FBXL8: variants seen among roughly 807,000 people sequenced by gnomAD.
FBXL8 encodes the protein F-box and leucine rich repeat protein 8.
Under a neutral mutation model 8.2 loss-of-function variants are expected in FBXL8, and 13 were observed. The observed-to-expected ratio is 1.58, with a 90% CI of 1.03 to 2.51. The LOEUF (loss-of-function observed/expected upper bound fraction) is 2.51. FBXL8 is among the 30% of genes most tolerant of loss of function. The pLI is 0.00. For synonymous variants in FBXL8, 271 were observed against 260.5 expected (o/e 1.04, Z -0.39); for missense variants, 565 against 540.4 (o/e 1.05, Z -0.45).
At chr16:67,161,548 C>T (rs2030902305) in intron 1 of FBXL8, 187 bp from the exon 2 acceptor site, 2 of 450,522 alleles carry the variant, frequency 4.4e-6, no homozygotes, top group East Asian at 3.6e-5. Flanking sequence ...TTACCCTTTC[C>T]GGAGAGCCTG....
chr16:67,161,678 G>A, intron 1 of FBXL8, 57 bp from the exon 2 acceptor site: 3 of 1,367,974 alleles, frequency 2.2e-6, no homozygotes, highest in Non-Finnish European at 1.9e-6. Context: ...ACCTAAGCTC[G>A]GTCTTCCTGC....
Position 67,164,051 on chromosome 16 carries a change from C to A in FBXL8, c.*231C>A, listed in dbSNP as rs1385732231. 7.0e-6 allele frequency: 5 copies of A among 715,490 alleles called. No homozygotes were observed. The highest frequency in any genetic ancestry group is 3.0e-5 in the South Asian group (2 of 67,030). 44.3% of individuals were successfully genotyped at this position (715,490 alleles called of 1,614,324 possible). A position where few individuals can be genotyped will look rare whatever the true frequency, so the allele number is the denominator to read the frequency against. On this transcript the variant is annotated 3_prime_UTR_variant, in exon 3 of 3. Transcript: ENST00000258200. ...ACCCGCTCGGTCCTGGACACACTGC[C>A]CCCCTCTCTTGCCTCCACCCCTCTG...
In FBXL8 at chr16:67,163,879, G is replaced by GGGGT; in HGVS notation, c.*61_*62insGTGG. ...TAAGCGCTCTGAGAGGGAACGGGGG[G>GGGGT]GGTGTCCAGGCGCGCCCCGAGTGCT... On this transcript the variant is annotated 3_prime_UTR_variant, in exon 3 of 3. Coordinates refer to ENST00000258200, the MANE Select transcript of FBXL8 (RefSeq NM_018378.3). The GGGGT allele has an allele frequency of 6.5e-7, 1 of 1,526,916 alleles. No individual in the cohort carries two copies. Among genetic ancestry groups the GGGGT allele is most frequent in the African/African-American group, 1.4e-5 (1 of 72,078 alleles). The allele number at this position is 1,526,916 out of a possible 1,614,324, so 94.6% of individuals were successfully genotyped here.
rs1345956786 is a variant in FBXL8 at position 67,163,291 on chromosome 16, A to C, written c.596A>C (p.His199Pro). 1.7e-5 allele frequency: 27 copies of C among 1,576,662 alleles called. No individual in the cohort carries two copies. The highest frequency in any genetic ancestry group is 2.3e-5 in the East Asian group (1 of 43,326). Residue 199 changes from histidine (H) to proline (P), a missense_variant, in exon 3 of 3, where the codon CAC becomes CCC. Physicochemically the swap from His to Pro is moderately conservative, Grantham distance 77. Coordinates refer to ENST00000258200, the MANE Select transcript of FBXL8 (RefSeq NM_018378.3). ...ACPRLRALGL[H>P]LASLSHAILE... ...CCGCGCCTGCGCGCTCTCGGCCTGC[A>C]CCTAGCCAGTTTGTCGCACGCCATC...
rs1398067788 is a variant in FBXL8, at chr16:67,163,704, T to C, written c.1009T>C (p.Cys337Arg). ...CAALREVHCFCVVSHSVLDAF... is the reference protein window; with the variant it reads ...CAALREVHCFRVVSHSVLDAF... ...GGCCCTGCGCGAGGTGCATTGTTTC[T>C]GCGTGGTGAGCCACTCGGTGCTGGA... The change falls in exon 3 of 3, where the codon TGC (cysteine) becomes CGC (arginine). Residue 337 changes from cysteine (C) to arginine (R), a missense_variant. Coordinates refer to ENST00000258200, the MANE Select transcript of FBXL8 (RefSeq NM_018378.3). 2 of 1,593,630 alleles carry C rather than the reference T, an allele frequency of 1.3e-6. No individual in the cohort carries two copies. The highest frequency in any genetic ancestry group is 1.3e-5 in the African/African-American group (1 of 74,246).
In FBXL8 at chr16:67,162,100, C is replaced by T. The variant is rs913827759; in HGVS notation, c.152+163C>T. 3.2e-5 allele frequency: 30 copies of T among 926,660 alleles called. No homozygotes were observed. The South Asian group carries it at 4.1e-4, about 13-fold the overall frequency. The allele number at this position is 926,660 out of a possible 1,614,324, so 57.4% of individuals were successfully genotyped here. A position where few individuals can be genotyped will look rare whatever the true frequency, so the allele number is the denominator to read the frequency against. On this transcript the variant is annotated intron_variant, in intron 2 of 2. Transcript: ENST00000258200. ...ATCCCAGCACTTTGGCAGGCCGAGG[C>T]GGGTGGATCACCTGAGGTCAGGAGT... is the stretch of plus-strand genomic sequence containing the variant.
chr16:67,164,128 C>A lies in FBXL8; in HGVS notation c.*308C>A. 1.5e-6 allele frequency: 1 copy of A among 660,306 alleles called. No homozygotes were observed. The highest frequency in any genetic ancestry group is 2.8e-6 in the Non-Finnish European group (1 of 360,978). The allele number at this position is 660,306 out of a possible 1,614,324, so 40.9% of individuals were successfully genotyped here. A position where few individuals can be genotyped will look rare whatever the true frequency, so the allele number is the denominator to read the frequency against. On this transcript the variant is annotated 3_prime_UTR_variant, in exon 3 of 3. Coordinates refer to ENST00000258200, the MANE Select transcript of FBXL8 (RefSeq NM_018378.3). ...CGCAGGGAGAGGGAGGGCACGGGCGCGGGCCGGGCCTCAAGGGTGAGTGTG... is the reference window on the plus strand; with the variant it reads ...CGCAGGGAGAGGGAGGGCACGGGCGAGGGCCGGGCCTCAAGGGTGAGTGTG...
In FBXL8 at chr16:67,161,798, GGAGA is replaced by G; in HGVS notation, c.15_18del (p.Glu6AspfsTer16). On this transcript the variant is annotated frameshift_variant, in exon 2 of 3. Coordinates refer to ENST00000258200, the MANE Select transcript of FBXL8 (RefSeq NM_018378.3). LOFTEE classifies it high-confidence loss of function. The stretch of plus-strand genomic sequence containing the variant: ...CCGGATCTGGGCCATGGCCGAGCCT[GGAGA>G]GGGACTGCCAGAGGAGGTGCTGGCA... 6.2e-7 allele frequency: 1 copy of G among 1,607,228 alleles called. No homozygotes were observed. The highest frequency in any genetic ancestry group is 8.5e-7 in the Non-Finnish European group (1 of 1,176,854).
Position 67,163,214 on chromosome 16 carries a change from C to T in FBXL8, c.519C>T (p.Thr173=). The T allele has an allele frequency of 6.4e-7, 1 of 1,566,890 alleles. No homozygotes were observed. Among genetic ancestry groups the T allele is most frequent in the Non-Finnish European group, 8.6e-7 (1 of 1,156,912 alleles). Residue 173 remains threonine (T), a synonymous_variant, in exon 3 of 3, where the codon ACC becomes ACT. Coordinates refer to ENST00000258200, the MANE Select transcript of FBXL8 (RefSeq NM_018378.3). ...ELHSLFLDNS[T]LVGSVGPGSV... Reference sequence around the variant, plus strand: ...ACAGCCTTTTTCTGGACAACAGTACCCTAGTGGGCAGCGTGGGTCCCGGCT... The same window carrying T: ...ACAGCCTTTTTCTGGACAACAGTACTCTAGTGGGCAGCGTGGGTCCCGGCT...
Position 67,163,917 on chromosome 16 carries a change from T to C in FBXL8, c.*97T>C. 1 of 1,500,608 alleles carries C rather than the reference T, an allele frequency of 6.7e-7. No homozygotes were observed. Among genetic ancestry groups the C allele is most frequent in the East Asian group, 2.4e-5 (1 of 42,188 alleles). The allele number at this position is 1,500,608 out of a possible 1,614,324, so 93.0% of individuals were successfully genotyped here. ...CGCCCCGAGTGCTAGTGCCTTCTTT[T>C]GGGATTGTTGCCCCCCGGGTCTTTA... On this transcript the variant is annotated 3_prime_UTR_variant, in exon 3 of 3. Coordinates refer to ENST00000258200, the MANE Select transcript of FBXL8 (RefSeq NM_018378.3).
chr16:67,160,200 T>C (rs940486251), intron 1 of FBXL8, 144 bp downstream of exon 1: 5 of 152,186 alleles, frequency 3.3e-5, no homozygotes, highest in African/African-American at 1.2e-4. Flanking sequence ...CAGAATTTTC[T>C]GGTACCCCTG....
In FBXL8 at chr16:67,163,724, G is replaced by A; in HGVS notation, c.1029G>A (p.Val343=). Reference sequence around the variant, plus strand: ...GTTTCTGCGTGGTGAGCCACTCGGTGCTGGACGCCTTCCGCGCGCACTGCC... The same window carrying A: ...GTTTCTGCGTGGTGAGCCACTCGGTACTGGACGCCTTCCGCGCGCACTGCC... The part of the protein sequence containing the change: ...VHCFCVVSHS[V]LDAFRAHCPR... Residue 343 remains valine (V), a synonymous_variant, in exon 3 of 3, where the codon GTG becomes GTA. Coordinates refer to ENST00000258200, the MANE Select transcript of FBXL8 (RefSeq NM_018378.3). The A allele has an allele frequency of 1.3e-6, 2 of 1,595,418 alleles. No individual in the cohort carries two copies. The highest frequency in any genetic ancestry group is 8.5e-7 in the Non-Finnish European group (1 of 1,178,138).
Position 67,163,437 on chromosome 16 carries a change from C to T in FBXL8, c.742C>T (p.Arg248Cys), listed in dbSNP as rs1205875913. The change falls in exon 3 of 3, where the codon CGC (arginine) becomes TGC (cysteine). Residue 248 changes from arginine (R) to cysteine (C), a missense_variant. Arg to Cys is a radical substitution (Grantham distance 180). Transcript: ENST00000258200. ...CGAAGCCTGGGTCGCGTTGCGCCGCCGCCACCCTGGGCTGGCAGTGGAGCT... is the reference window on the plus strand; with the variant it reads ...CGAAGCCTGGGTCGCGTTGCGCCGCTGCCACCCTGGGCTGGCAGTGGAGCT... ...PNEAWVALRR[R>C]HPGLAVELEL... 4 of 1,535,992 alleles carry T rather than the reference C, an allele frequency of 2.6e-6. No homozygotes were observed. Among genetic ancestry groups the T allele is most frequent in the Non-Finnish European group, 3.5e-6 (4 of 1,146,820 alleles).
rs775662075 is a variant in FBXL8, at chr16:67,163,607, C to G, written c.912C>G (p.Cys304Trp). 5 of 1,571,568 alleles carry G rather than the reference C, an allele frequency of 3.2e-6. No homozygotes were observed. The highest frequency in any genetic ancestry group is 3.4e-6 in the Non-Finnish European group (4 of 1,168,328). ...CACACCACTACGCCGCAACCCTGTG[C>G]GCGCTCGAGGTGCGCGCAGCCGCTT... ...FAAHHYAATL[C>W]ALEVRAAASA... is the part of the protein sequence containing the mutation. The change falls in exon 3 of 3, where the codon TGC (cysteine) becomes TGG (tryptophan). Residue 304 changes from cysteine to tryptophan, a missense_variant. Cys to Trp is a radical substitution (Grantham distance 215). Transcript: ENST00000258200.
In FBXL8 at chr16:67,162,664, ATCT is replaced by A. The variant is rs1257031454; in HGVS notation, c.153-180_153-178del. The A allele has an allele frequency of 4.8e-6, 4 of 824,978 alleles. No homozygotes were observed. The African/African-American group carries it at 5.0e-5, about 10-fold the overall frequency. The allele number at this position is 824,978 out of a possible 1,614,324, so 51.1% of individuals were successfully genotyped here. On this transcript the variant is annotated intron_variant, in intron 2 of 2. Transcript: ENST00000258200. ...TCATCCTGTGGCAGACGCCACTGAA[ATCT>A]TCTAAAAGGATAGGATGCGAGTTCC...
Position 67,163,945 on chromosome 16 carries a change from G to A in FBXL8, c.*125G>A, listed in dbSNP as rs2031053449. 2 of 1,422,314 alleles carry A rather than the reference G, an allele frequency of 1.4e-6. No individual in the cohort carries two copies. Among genetic ancestry groups the A allele is most frequent in the South Asian group, 1.2e-5 (1 of 80,448 alleles). The allele number at this position is 1,422,314 out of a possible 1,614,324, so 88.1% of individuals were successfully genotyped here. A position where few individuals can be genotyped will look rare whatever the true frequency, so the allele number is the denominator to read the frequency against. Reference sequence around the variant, plus strand: ...GATTGTTGCCCCCCGGGTCTTTACCGAGTTGGGAACTGTGATGGCATCGGG... The same window carrying A: ...GATTGTTGCCCCCCGGGTCTTTACCAAGTTGGGAACTGTGATGGCATCGGG... On this transcript the variant is annotated 3_prime_UTR_variant, in exon 3 of 3. Coordinates refer to ENST00000258200, the MANE Select transcript of FBXL8 (RefSeq NM_018378.3).
In FBXL8 at chr16:67,162,942, A is replaced by C; in HGVS notation, c.247A>C (p.Lys83Gln). ...NLRLEFEPSR[K>Q]PSRRAAIELL... ...ACGGCTGGAATTTGAGCCATCGAGGAAGCCGAGCCGCCGGGCGGCCATCGA... is the reference window on the plus strand; with the variant it reads ...ACGGCTGGAATTTGAGCCATCGAGGCAGCCGAGCCGCCGGGCGGCCATCGA... Residue 83 changes from lysine to glutamine, a missense_variant, in exon 3 of 3, where the codon AAG becomes CAG. Physicochemically the swap from Lys to Gln is moderately conservative, Grantham distance 53 (BLOSUM62 1). Transcript: ENST00000258200. The C allele has an allele frequency of 6.4e-7, 1 of 1,557,944 alleles. No homozygotes were observed. Among genetic ancestry groups the C allele is most frequent in the African/African-American group, 1.4e-5 (1 of 73,520 alleles).
In FBXL8 at chr16:67,163,738, G is replaced by A. The variant is rs765236872; in HGVS notation, c.1043G>A (p.Arg348His). 1.9e-6 allele frequency: 3 copies of A among 1,592,708 alleles called. No individual in the cohort carries two copies. The highest frequency in any genetic ancestry group is 1.7e-5 in the Admixed American group (1 of 59,174). ...VVSHSVLDAF[R>H]AHCPRLRTYT... is the part of the protein sequence containing the mutation. ...AGCCACTCGGTGCTGGACGCCTTCC[G>A]CGCGCACTGCCCGCGCCTGCGCACC... Residue 348 changes from arginine (R) to histidine (H), a missense_variant, in exon 3 of 3, where the codon CGC becomes CAC. By Grantham distance (29) the Arg-to-His change is conservative. Coordinates refer to ENST00000258200, the MANE Select transcript of FBXL8 (RefSeq NM_018378.3).
rs760990762 is a variant in FBXL8 at position 67,163,453 on chromosome 16, C to G, written c.758C>G (p.Ala253Gly). ...VALRRRHPGL[A>G]VELELEPALP... ...TTGCGCCGCCGCCACCCTGGGCTGG[C>G]AGTGGAGCTGGAGCTGGAGCCCGCG... is the stretch of plus-strand genomic sequence containing the variant. The change falls in exon 3 of 3, where the codon GCA becomes GGA. Residue 253 changes from alanine to glycine, a missense_variant. Coordinates refer to ENST00000258200, the MANE Select transcript of FBXL8 (RefSeq NM_018378.3). The G allele has an allele frequency of 1.2e-5, 19 of 1,536,344 alleles. No individual in the cohort carries two copies. The South Asian group carries it at 2.0e-4, about 16-fold the overall frequency.
Sources: gnomAD v4.1 joint callset for allele counts on GRCh38, gnomAD v4.1.1 for gene constraint, MANE v1.5 for transcripts, NCBI Gene and HGNC (gene_info 2026-07-23, HGNC 2026-07-21) for gene names.